CD33: variants seen among roughly 807,000 people sequenced by gnomAD.
The protein encoded by CD33 is CD33 molecule, also known as myeloid cell surface antigen CD33.
A neutral mutation model predicts 31.4 loss-of-function variants in CD33; 25 were observed. The observed-to-expected ratio is 0.80, with a 90% confidence interval of 0.58 to 1.11. The LOEUF is 1.11. Ranked by LOEUF, CD33 falls within the 50% of genes most tolerant of loss-of-function variation. The pLI is 0.00. For synonymous variants in CD33, 176 were observed against 180.6 expected, an observed-to-expected ratio of 0.97 and a Z score of 0.20; for missense variants, 407 against 448.1, an observed-to-expected ratio of 0.91 and a Z score of 0.83.
intron 6 of CD33, chr19:51,236,030 C>T (rs888229668): frequency 1.2e-4 from 65 of 557,952 alleles, no homozygotes; most frequent in East Asian, 1.9e-4. Flanking sequence ...TGGTGGCTGG[C>T]GCCTGTAGTC....
chr19:51,224,954 G>A, upstream of CD33: 1 of 846,900 alleles, frequency 1.2e-6, no homozygotes, highest in Admixed American at 2.1e-5. Context: ...CAATCTGTGT[G>A]GAGGGGACAA....
At position 51,226,071 on chromosome 19, in the gene CD33, C is replaced by T. The variant is rs138183837; in HGVS notation, c.687C>T (p.Leu229=). The T allele has an allele frequency of 1.9e-6, 3 of 1,613,738 alleles. No homozygotes were observed. Among genetic ancestry groups the T allele is most frequent in the Admixed American group, 3.3e-5 (2 of 59,984 alleles). The change falls in exon 3 of 7, where the codon CTC becomes CTT. Residue 229 remains leucine, a synonymous_variant. Transcript: ENST00000262262. Reference sequence around the variant, plus strand: ...TGACTACGGAGAGAACCATCCAGCTCAACGTCACCTGTAAGTGCTGGGCCA... The same window carrying T: ...TGACTACGGAGAGAACCATCCAGCTTAACGTCACCTGTAAGTGCTGGGCCA... ...AGVTTERTIQ[L]NVTYVPQNPT...
chr19:51,217,284 A>G, the CD33 span, among the ~76,000 whole-genome samples: 1 of 152,000 alleles, frequency 6.6e-6, no homozygotes, highest in South Asian at 2.1e-4. Flanking sequence ...AGCTCACAGG[A>G]TTTTCTAATG....
upstream of CD33, among the ~76,000 whole-genome samples, chr19:51,223,283 A>T (rs980264961): frequency 6.6e-6 from 1 of 152,182 alleles, no homozygotes; most frequent in Non-Finnish European, 1.5e-5. Flanking sequence ...TATTTAAATA[A>T]CTTACAACAG....
At chr19:51,230,822 CTGACATAATGTAAAAGAGTCT>C (rs1981351550) in intron 4 of CD33, among the ~76,000 whole-genome samples, 1 of 152,196 alleles carries the variant, frequency 6.6e-6, no homozygotes, top group Admixed American at 6.5e-5. Flanking sequence ...GCTTGCTTGT[CTGACATAATGTAAAAGAGTCT>C]TGGAACATGT....
At chr19:51,224,706 C>A (rs3865444), upstream of CD33, among the ~76,000 whole-genome samples, 38,576 of 152,044 alleles carry the variant, frequency 0.25, 6,038 homozygotes, top group Admixed American at 0.43. Context: ...CTAAACACCC[C>A]ATGGATCTAG....
chr19:51,225,956 C>T lies in CD33; in HGVS notation c.572C>T (p.Thr191Ile). Residue 191 changes from threonine to isoleucine, a missense_variant, in exon 3 of 7, where the codon ACT becomes ATT. Thr to Ile is a moderately conservative substitution (Grantham distance 89). Transcript: ENST00000262262. ...GCCCCCACCTCCCTGGGCCCCAGGACTACTCACTCCTCGGTGCTCATAATC... is the reference window on the plus strand; with the variant it reads ...GCCCCCACCTCCCTGGGCCCCAGGATTACTCACTCCTCGGTGCTCATAATC... ...SAAPTSLGPR[T>I]THSSVLIITP... 1 of 1,614,138 alleles carries T rather than the reference C, an allele frequency of 6.2e-7. No individual in the cohort carries two copies. Among genetic ancestry groups the T allele is most frequent in the Non-Finnish European group, 8.5e-7 (1 of 1,180,018 alleles).
chr19:51,219,886 T>C, the CD33 span, among the ~76,000 whole-genome samples: 1 of 152,242 alleles, frequency 6.6e-6, no homozygotes, highest in Non-Finnish European at 1.5e-5. Flanking sequence ...TACTTGATCG[T>C]GACGAATTAT....
intron 6 of CD33, chr19:51,237,050 A>G (rs951529937): frequency 1.3e-5 from 2 of 152,068 alleles, no homozygotes; most frequent in African/African-American, 4.8e-5. Flanking sequence ...CCACTCAATC[A>G]CCTCAAGCAG....
chr19:51,213,834 C>A, the CD33 span, among the ~76,000 whole-genome samples: 5 of 149,616 alleles, frequency 3.3e-5, no homozygotes, highest in Admixed American at 3.3e-4. Context: ...CTGCGCCCAG[C>A]CTCATTTTTC....
the CD33 span, chr19:51,211,735 C>T: frequency 3.8e-6 from 3 of 782,138 alleles, no homozygotes; most frequent in South Asian, 1.6e-5. Context: ...CTGAGCTTCC[C>T]TCAGGGCTGT....
In CD33 at chr19:51,235,373, A is replaced by G. The variant is rs760476845; in HGVS notation, c.842+120A>G. The G allele has an allele frequency of 7.8e-5, 96 of 1,232,024 alleles. 1 individual carries two copies. Among genetic ancestry groups the G allele is most frequent in the Non-Finnish European group, 1.0e-4 (88 of 871,416 alleles). The allele number at this position is 1,232,024 out of a possible 1,614,324, so 76.3% of individuals were successfully genotyped here. Reference sequence around the variant, plus strand: ...GGCAGGGGGTGTGATGATGTACAGAATCCAGCCTGTGGCCACTGGGATAGG... The same window carrying G: ...GGCAGGGGGTGTGATGATGTACAGAGTCCAGCCTGTGGCCACTGGGATAGG... On this transcript the variant is annotated intron_variant, in intron 5 of 6. Coordinates refer to ENST00000262262, the MANE Select transcript of CD33 (RefSeq NM_001772.4).
At chr19:51,213,517 T>TTTTG in the CD33 span, among the ~76,000 whole-genome samples, 29 of 152,296 alleles carry the variant, frequency 1.9e-4, no homozygotes, top group East Asian at 5.6e-3. Context: ...TTGTTTTGTT[T>TTTTG]TTTGTTTGTT....
chr19:51,223,074 C>T (rs1049735662), upstream of CD33, among the ~76,000 whole-genome samples: 7 of 152,138 alleles, frequency 4.6e-5, no homozygotes, highest in African/African-American at 1.7e-4. Context: ...CAAAAAGTTA[C>T]TCCGGCCTGG....
intron 5 of CD33, 78 bp downstream of exon 5, chr19:51,235,331 G>A: frequency 1.4e-6 from 2 of 1,412,986 alleles, no homozygotes. Flanking sequence ...TGGAGGGGCT[G>A]TGAGGGCTGG....
At chr19:51,222,764 G>A (rs892552450), upstream of CD33, among the ~76,000 whole-genome samples, 1 of 152,176 alleles carries the variant, frequency 6.6e-6, no homozygotes, top group Admixed American at 6.5e-5. Flanking sequence ...TATACAGGCT[G>A]TACATACTCG....
Position 51,239,730 on chromosome 19 carries a change from C to G in CD33, c.*42C>G. On this transcript the variant is annotated 3_prime_UTR_variant, in exon 7 of 7. Transcript: ENST00000262262. ...TCAGGCTCAGCTAGAAGATCCACAT[C>G]CTCTACAGGTCGGGGACCAAAGGCT... 1 of 1,545,284 alleles carries G rather than the reference C, an allele frequency of 6.5e-7. No individual in the cohort carries two copies. Among genetic ancestry groups the G allele is most frequent in the African/African-American group, 1.4e-5 (1 of 73,012 alleles).
chr19:51,239,898 G>A lies in CD33; in HGVS notation c.*210G>A. 2.4e-6 allele frequency: 1 copy of A among 420,978 alleles called. No individual in the cohort carries two copies. Among genetic ancestry groups the A allele is most frequent in the Non-Finnish European group, 4.2e-6 (1 of 238,164 alleles). 26.1% of individuals were successfully genotyped at this position (420,978 alleles called of 1,614,324 possible). ...CTCTTTCATTTGCTAAGTGTATGAT[G>A]TCACACAAGCTCCTTAACCTTCCAT... On this transcript the variant is annotated 3_prime_UTR_variant, in exon 7 of 7. Transcript: ENST00000262262.
In CD33 at chr19:51,239,682, C is replaced by T. The variant is rs769030837; in HGVS notation, c.1089C>T (p.Thr363=). 4.4e-6 allele frequency: 7 copies of T among 1,608,414 alleles called. No individual in the cohort carries two copies. Among genetic ancestry groups the T allele is most frequent in the African/African-American group, 1.3e-5 (1 of 74,826 alleles). Residue 363 remains threonine, a synonymous_variant, in exon 7 of 7, where the codon ACC becomes ACT. Coordinates refer to ENST00000262262, the MANE Select transcript of CD33 (RefSeq NM_001772.4). ...CCACCGAATACTCAGAGGTCAGGAC[C>T]CAGTGAGGAACCCACAAGAGCATCA... ...DTSTEYSEVR[T]Q
Sources: gnomAD v4.1 joint callset for allele counts (sites outside exome capture counted in the v4.1 genomes callset) on GRCh38, gnomAD v4.1.1 for gene constraint, MANE v1.5 for transcripts, NCBI Gene and HGNC (gene_info 2026-07-23, HGNC 2026-07-21) for gene names.